The following BSN variants were observed in gnomAD, a reference collection of about 807,000 sequenced individuals.
The protein encoded by BSN is protein bassoon.
BSN carries 57 observed loss-of-function variants against 264.8 expected under a neutral mutation model. The observed-to-expected ratio is 0.22, with a 90% CI of 0.17 to 0.27. The LOEUF is 0.27. BSN is among the 10% of genes least tolerant of loss of function. The probability of loss-of-function intolerance (pLI) is 1.00; values close to 1 mark genes in which losing one functional copy is unlikely to be tolerated. For missense variants in BSN, 4,615 were observed against 5,232.5 expected, an observed-to-expected ratio of 0.88 and a Z score of 3.64; for synonymous variants, 2,059 against 2,137.3, an observed-to-expected ratio of 0.96 and a Z score of 1.01.
chr3:49,662,639 A>G, intron 6 of BSN, 77 bp downstream of exon 6: 1 of 1,521,754 alleles, frequency 6.6e-7, no homozygotes, highest in Non-Finnish European at 8.8e-7. Flanking sequence ...CCTGGGCCCT[A>G]AGATGTCCCA....
rs2052660045 is a variant in BSN, at chr3:49,661,889, G to A, written c.10044G>A (p.Leu3348=). 1 of 1,613,754 alleles carries A rather than the reference G, an allele frequency of 6.2e-7. No homozygotes were observed. Among genetic ancestry groups the A allele is most frequent in the East Asian group, 2.2e-5 (1 of 44,874 alleles). The change falls in exon 6 of 12, where the codon CTG becomes CTA. Residue 3348 remains leucine (L), a synonymous_variant. Coordinates refer to ENST00000296452, the MANE Select transcript of BSN (RefSeq NM_003458.4). Reference sequence around the variant, plus strand: ...GGCCCAAGCATCCCTCCAAGAGCCTGGCTCCAGCTGCCATCTCCTCAAAGC... The same window carrying A: ...GGCCCAAGCATCCCTCCAAGAGCCTAGCTCCAGCTGCCATCTCCTCAAAGC... ...PMGPKHPSKS[L]APAAISSKRS... is the part of the protein sequence containing the mutation.
At chr3:49,580,522 C>T (rs1268540109) in intron 1 of BSN, among the ~76,000 whole-genome samples, 2 of 152,038 alleles carry the variant, frequency 1.3e-5, no homozygotes, top group African/African-American at 2.4e-5. Context: ...GCCTCAGCCT[C>T]CTGGGCTCAA....
intron 3 of BSN, among the ~76,000 whole-genome samples, chr3:49,650,085 C>T (rs1251379056): frequency 6.6e-6 from 1 of 152,196 alleles, no homozygotes; most frequent in African/African-American, 2.4e-5. Flanking sequence ...GGAGTCTGCA[C>T]CCTATCTAGC....
In BSN at chr3:49,653,179, C is replaced by T; in HGVS notation, c.3623C>T (p.Ala1208Val). 6.2e-7 allele frequency: 1 copy of T among 1,611,414 alleles called. No homozygotes were observed. Among genetic ancestry groups the T allele is most frequent in the Non-Finnish European group, 8.5e-7 (1 of 1,179,426 alleles). ...LQRQQGQAAG[A>V]RGPHGGPSQP... is the part of the protein sequence containing the mutation. ...AGGCAGCAAGGCCAGGCAGCAGGGG[C>T]CCGGGGACCCCATGGCGGCCCCTCT... Residue 1208 changes from alanine to valine, a missense_variant, in exon 5 of 12, where the codon GCC (alanine) becomes GTC (valine). Around this residue, in one of 3 missense-constraint regions of BSN, gnomAD observed 3,415 missense variants for 3,866.4 expected, o/e 0.88. Transcript: ENST00000296452. This position sits in a 1 kb window ranked among gnomAD's most constrained non-coding sequence, Gnocchi z 6.3.
chr3:49,606,119 G>T (rs1236673949), intron 1 of BSN, among the ~76,000 whole-genome samples: 4 of 25,146 alleles, frequency 1.6e-4, no homozygotes, highest in East Asian at 7.1e-4. Flanking sequence ...TAATATATAC[G>T]TATATATTAT....
At chr3:49,590,088 G>A (rs898970272) in intron 1 of BSN, among the ~76,000 whole-genome samples, 2 of 151,708 alleles carry the variant, frequency 1.3e-5, no homozygotes, top group East Asian at 1.9e-4. Flanking sequence ...TGCCCGCCTC[G>A]GCCTCCTAAA....
At position 49,663,340 on chromosome 3, in the gene BSN, G is replaced by C. The variant is rs2052681725; in HGVS notation, c.11182G>C (p.Ala3728Pro). The C allele has an allele frequency of 6.2e-7, 1 of 1,613,642 alleles. No individual in the cohort carries two copies. Among genetic ancestry groups the C allele is most frequent in the Admixed American group, 1.7e-5 (1 of 60,012 alleles). The change falls in exon 7 of 12, where the codon GCC (alanine) becomes CCC (proline). Residue 3728 changes from alanine to proline, a missense_variant. Transcript: ENST00000296452. ...ASDSKKGSRQ[A>P]HSGPAALQSK... ...TGACAGCAAGAAGGGCTCCCGGCAA[G>C]CCCACTCCGGGCCCGCTGCACTGCA...
At chr3:49,611,600 A>G (rs1221021983) in intron 1 of BSN, among the ~76,000 whole-genome samples, 2 of 152,212 alleles carry the variant, frequency 1.3e-5, no homozygotes, top group Admixed American at 1.3e-4. Context: ...AAGGTGGTTG[A>G]GAATTTACCT....
Position 49,669,409 on chromosome 3 carries a change from T to A in BSN, c.*1924T>A, listed in dbSNP as rs1287800958. 1 of 152,720 alleles carries A rather than the reference T, an allele frequency of 6.5e-6. No homozygotes were observed. The highest frequency in any genetic ancestry group is 1.5e-5 in the Non-Finnish European group (1 of 68,090). 9.5% of individuals were successfully genotyped at this position (152,720 alleles called of 1,614,324 possible). ...GTTTGCTGTAGGATATCTGTCTGTC[T>A]GTCATTTTCCCTTCCTACCCCAACC... is the stretch of plus-strand genomic sequence containing the variant. On this transcript the variant is annotated 3_prime_UTR_variant, in exon 12 of 12. Coordinates refer to ENST00000296452, the MANE Select transcript of BSN (RefSeq NM_003458.4).
rs926999002 is a variant in BSN, at chr3:49,638,086, C to G, written c.634-4182C>G. Reference sequence around the variant, plus strand: ...TCAGGATCTTGGAGGTATTAGACAGCAGAACCCTAGCTGAGGCTTCTTGTC... The same window carrying G: ...TCAGGATCTTGGAGGTATTAGACAGGAGAACCCTAGCTGAGGCTTCTTGTC... On this transcript the variant is annotated intron_variant, in intron 2 of 11. Coordinates refer to ENST00000296452, the MANE Select transcript of BSN (RefSeq NM_003458.4). The surrounding 1 kb of genome is among the most constrained non-coding windows in gnomAD (Gnocchi z 4.3). 6.6e-6 allele frequency among the ~76,000 whole-genome samples: 1 copy of G among 152,240 alleles called. No individual in the cohort carries two copies. The highest frequency in any genetic ancestry group is 3.2e-3 in the Middle Eastern group (1 of 316).
In BSN at chr3:49,656,769, C is replaced by G; in HGVS notation, c.7213C>G (p.Arg2405Gly). ...ERERVELQRHREEEQLLVQRE... is the reference protein window; with the variant it reads ...ERERVELQRHGEEEQLLVQRE... The stretch of plus-strand genomic sequence containing the variant: ...GGAACGTGTGGAGCTGCAGAGGCAC[C>G]GTGAGGAGGAGCAGCTGCTGGTGCA... The change falls in exon 5 of 12, where the codon CGT (arginine) becomes GGT (glycine). Residue 2405 changes from arginine (R) to glycine (G), a missense_variant. Physicochemically the swap from Arg to Gly is moderately radical, Grantham distance 125. This residue lies in a region of BSN where 3,415 missense variants were observed against 3,866.4 expected (regional missense o/e 0.88). Transcript: ENST00000296452. The G allele has an allele frequency of 1.3e-6, 2 of 1,581,768 alleles. No individual in the cohort carries two copies. The highest frequency in any genetic ancestry group is 1.7e-6 in the Non-Finnish European group (2 of 1,163,916).
At chr3:49,557,626 G>A (rs2051683761) in intron 1 of BSN, among the ~76,000 whole-genome samples, 2 of 143,584 alleles carry the variant, frequency 1.4e-5, no homozygotes, top group Non-Finnish European at 3.0e-5. Flanking sequence ...CGCCCAGGCT[G>A]GAGTGCAGTG....
intron 2 of BSN, among the ~76,000 whole-genome samples, chr3:49,632,085 CT>C (rs2052387361): frequency 6.6e-6 from 1 of 152,134 alleles, no homozygotes; most frequent in African/African-American, 2.4e-5. Context: ...AAAGAACAAT[CT>C]TTTCAACAAA....
chr3:49,587,927 C>CTTTTCTTTTCTTTTCTTTTA (rs144431423), intron 1 of BSN, among the ~76,000 whole-genome samples: 1 of 138,244 alleles, frequency 7.2e-6, no homozygotes, highest in African/African-American at 3.0e-5. Context: ...CTTTTCTTTT[C>CTTTTCTTTTCTTTTCTTTTA]TTTTTTTTTT....
chr3:49,664,944 T>C (rs899766338), intron 10 of BSN, 91 bp downstream of exon 10: 17 of 957,490 alleles, frequency 1.8e-5, no homozygotes, highest in African/African-American at 1.6e-4. Flanking sequence ...AGGGGTCCTC[T>C]GGGAGGAGTC....
intron 11 of BSN, among the ~76,000 whole-genome samples, chr3:49,667,311 A>C (rs1003303556): frequency 4.1e-5 from 6 of 146,478 alleles, no homozygotes; most frequent in African/African-American, 9.9e-5. Context: ...CTTAAGCCAA[A>C]AAAAAAAAAA....
rs534534622 is a variant in BSN at position 49,638,771 on chromosome 3, T to C, written c.634-3497T>C. ...GCAGGCGGTTTGGCACGTGCCTTTG[T>C]TCAGCCTGATTCAGAACCCCAGGGA... is the stretch of plus-strand genomic sequence containing the variant. On this transcript the variant is annotated intron_variant, in intron 2 of 11. Transcript: ENST00000296452. This position sits in a 1 kb window ranked among gnomAD's most constrained non-coding sequence, Gnocchi z 4.3. Among the ~76,000 whole-genome samples the C allele has an allele frequency of 3.3e-5, 5 of 152,328 alleles. No individual in the cohort carries two copies. In the South Asian group the frequency reaches 8.3e-4, roughly 25 times the overall value.
At position 49,651,092 on chromosome 3, in the gene BSN, C is replaced by T. The variant is rs1257268961; in HGVS notation, c.1986+13C>T. On this transcript the variant is annotated intron_variant, in intron 4 of 11. Coordinates refer to ENST00000296452, the MANE Select transcript of BSN (RefSeq NM_003458.4). The surrounding 1 kb of genome is among the most constrained non-coding windows in gnomAD (Gnocchi z 5.4). ...TGGGGAGGCGGAGGTCAGTCCCATT[C>T]ACTTCCCAGAGACCCTAGCTTTCAG... The T allele has an allele frequency of 6.3e-7, 1 of 1,594,482 alleles. No individual in the cohort carries two copies. The highest frequency in any genetic ancestry group is 2.2e-5 in the East Asian group (1 of 44,778).
intron 1 of BSN, among the ~76,000 whole-genome samples, chr3:49,562,031 C>T (rs941247721): frequency 2.1e-4 from 32 of 152,154 alleles, no homozygotes; most frequent in Admixed American, 4.6e-4. Flanking sequence ...TGGTCTTGAA[C>T]TCCTGGCCTC....
Sources: gnomAD v4.1 joint callset for allele counts (sites outside exome capture counted in the v4.1 genomes callset) on GRCh38, gnomAD v4.1.1 for gene constraint, gnomAD v4.1.1 regional missense constraint, Gnocchi (gnomAD v3.1) non-coding constraint, MANE v1.5 for transcripts, NCBI Gene and HGNC (gene_info 2026-07-23, HGNC 2026-07-21) for gene names.